The following CLVS1 variants were observed in gnomAD, a reference collection of about 807,000 sequenced individuals.
The protein encoded by CLVS1 is clavesin 1, also known as clavesin-1.
Under a neutral mutation model 33.1 loss-of-function variants are expected in CLVS1, and 10 were observed. The observed-to-expected ratio is 0.30, with a 90% confidence interval of 0.19 to 0.51. The LOEUF (loss-of-function observed/expected upper bound fraction) is 0.51. Among genes scored for constraint, CLVS1 ranks in the 20% least tolerant of loss-of-function variants. CLVS1 has a pLI of 0.97. For missense variants in CLVS1, 343 were observed against 433.4 expected (o/e 0.79, Z 1.85); for synonymous variants, 163 against 166.1 (o/e 0.98, Z 0.14).
At chr8:61,135,133 A>G (rs1265802658) in intron 2 of CLVS1, among the ~76,000 whole-genome samples, 1 of 151,760 alleles carries the variant, frequency 6.6e-6, no homozygotes, top group East Asian at 1.9e-4. Context: ...CTAGAAAGCC[A>G]AAAAGAGAAA....
At chr8:61,025,859 G>C in the CLVS1 span, among the ~76,000 whole-genome samples, 1 of 152,136 alleles carries the variant, frequency 6.6e-6, no homozygotes, top group Non-Finnish European at 1.5e-5. Flanking sequence ...GTGGTTTAAA[G>C]GAGTTGGCCA....
rs1439719691 is a variant in CLVS1 at position 61,499,480 on chromosome 8, A to C, written c.1003A>C (p.Thr335Pro). 1 of 1,613,604 alleles carries C rather than the reference A, an allele frequency of 6.2e-7. No individual in the cohort carries two copies. Among genetic ancestry groups the C allele is most frequent in the African/African-American group, 1.3e-5 (1 of 75,006 alleles). ...KRSQSVVEAG[T>P]LKHEEKGENE... The stretch of plus-strand genomic sequence containing the variant: ...ATCTCAGTCTGTGGTAGAAGCTGGG[A>C]CCCTGAAACATGAGGAGAAGGGAGA... Residue 335 changes from threonine to proline, a missense_variant, in exon 6 of 6, where the codon ACC becomes CCC. Physicochemically the swap from Thr to Pro is conservative, Grantham distance 38. Around this residue, in one of 4 missense-constraint regions of CLVS1, gnomAD observed 86 missense variants for 95.0 expected, o/e 0.91. Coordinates refer to ENST00000325897, the MANE Select transcript of CLVS1 (RefSeq NM_173519.3).
intron 5 of CLVS1, chr8:61,465,510 C>A (rs1817516407): frequency 6.6e-6 from 1 of 152,116 alleles, no homozygotes. Context: ...ATTGGTTTAG[C>A]TGGAAATTCC....
chr8:61,459,187 G>A (rs1817269893), intron 5 of CLVS1, among the ~76,000 whole-genome samples: 1 of 152,158 alleles, frequency 6.6e-6, no homozygotes, highest in Non-Finnish European at 1.5e-5. Context: ...GCGTGCAAGG[G>A]TGGGAGATGG....
chr8:61,355,255 T>C (rs528837429), intron 2 of CLVS1, among the ~76,000 whole-genome samples: 1 of 152,038 alleles, frequency 6.6e-6, no homozygotes, highest in Non-Finnish European at 1.5e-5. Context: ...ACCAAGCTTG[T>C]GTACCTCACT....
intron 1 of CLVS1, among the ~76,000 whole-genome samples, chr8:61,068,852 C>T (rs186137177): frequency 6.6e-6 from 1 of 152,168 alleles, no homozygotes; most frequent in Non-Finnish European, 1.5e-5. Flanking sequence ...CTCTTCCTAC[C>T]GATGCCCCCT....
upstream of CLVS1, among the ~76,000 whole-genome samples, chr8:61,053,524 C>A (rs1804421813): frequency 1.3e-5 from 2 of 152,150 alleles, no homozygotes; most frequent in Non-Finnish European, 2.9e-5. Flanking sequence ...ATTGTTAAGC[C>A]CCATTTTCTG....
chr8:61,118,318 C>T (rs1387425702), intron 1 of CLVS1, among the ~76,000 whole-genome samples: 1 of 152,026 alleles, frequency 6.6e-6, no homozygotes, highest in Non-Finnish European at 1.5e-5. Context: ...CCTTTCAAAA[C>T]ACCAGCTCCT....
At chr8:61,133,146 G>C (rs908974767) in intron 2 of CLVS1, among the ~76,000 whole-genome samples, 7 of 152,164 alleles carry the variant, frequency 4.6e-5, no homozygotes, top group African/African-American at 1.7e-4. Context: ...GGGACACCAG[G>C]GGACATTACC....
chr8:61,353,119 T>TG (rs1309694211), intron 2 of CLVS1, among the ~76,000 whole-genome samples: 2 of 151,982 alleles, frequency 1.3e-5, no homozygotes, highest in Non-Finnish European at 2.9e-5. Flanking sequence ...CAATTATAGT[T>TG]GGGGACCTCA....
chr8:61,462,985 C>A (rs2129607376), intron 5 of CLVS1, among the ~76,000 whole-genome samples: 1 of 152,166 alleles, frequency 6.6e-6, no homozygotes, highest in East Asian at 1.9e-4. Flanking sequence ...CAATAGAAGG[C>A]TGTTTTGTCA....
chr8:61,053,676 C>G (rs576828632), upstream of CLVS1, among the ~76,000 whole-genome samples: 59 of 152,266 alleles, frequency 3.9e-4, no homozygotes, highest in African/African-American at 1.4e-3. Context: ...GTGGCTCAAG[C>G]TGGGCCAATT....
chr8:61,046,374 CT>C, the CLVS1 span, among the ~76,000 whole-genome samples: 26 of 145,422 alleles, frequency 1.8e-4, no homozygotes, highest in African/African-American at 7.0e-4. Context: ...CAGTACCATG[CT>C]GTTTTGGTTA....
At chr8:61,480,755 T>C (rs1355312526) in intron 5 of CLVS1, among the ~76,000 whole-genome samples, 1 of 152,216 alleles carries the variant, frequency 6.6e-6, no homozygotes, top group East Asian at 1.9e-4. Flanking sequence ...AGAGTGAGAT[T>C]AGACTAGGGT....
In CLVS1 at chr8:61,083,651, G is replaced by T. The variant is rs566312517; in HGVS notation, c.-243+26421G>T. Among the ~76,000 whole-genome samples, 14 of 152,194 alleles carry T rather than the reference G, an allele frequency of 9.2e-5. 2 individuals carry two copies. In the South Asian group the frequency reaches 2.9e-3, roughly 32 times the overall value. On this transcript the variant is annotated intron_variant, in intron 1 of 2. Coordinates refer to the CLVS1 transcript ENST00000522621. The stretch of plus-strand genomic sequence containing the variant: ...GATGTTATTTAACATTGGAAAATTG[G>T]TAGGTAAATTAAAGGAGAAAATGGC...
intron 5 of CLVS1, among the ~76,000 whole-genome samples, chr8:61,477,479 T>C (rs1227879657): frequency 6.6e-6 from 1 of 152,250 alleles, no homozygotes; most frequent in Non-Finnish European, 1.5e-5. Flanking sequence ...ATTCAGAGCC[T>C]GTTATTGGTC....
intron 5 of CLVS1, among the ~76,000 whole-genome samples, chr8:61,479,966 G>C (rs191593531): frequency 0.01 from 1,596 of 152,242 alleles, 32 homozygotes; most frequent in African/African-American, 0.037. Flanking sequence ...AGGAGTACCC[G>C]GCCGTGTGAC....
intron 2 of CLVS1, among the ~76,000 whole-genome samples, chr8:61,133,654 A>G (rs1327372061): frequency 6.6e-6 from 1 of 152,154 alleles, no homozygotes; most frequent in African/African-American, 2.4e-5. Flanking sequence ...AGAGGACGCT[A>G]CACTGCCAAA....
chr8:61,475,647 G>GT (rs1164329207), intron 5 of CLVS1, among the ~76,000 whole-genome samples: 1 of 151,898 alleles, frequency 6.6e-6, no homozygotes, highest in Non-Finnish European at 1.5e-5. Flanking sequence ...GGGGTTGTTT[G>GT]TTTTTTTCTT....
Sources: allele counts gnomAD v4.1 joint callset (sites outside exome capture counted in the v4.1 genomes callset), GRCh38; gene constraint gnomAD v4.1.1; regional missense constraint gnomAD v4.1.1; transcripts MANE v1.5; gene names NCBI Gene and HGNC (gene_info 2026-07-23, HGNC 2026-07-21).